Variants in CLPX observed in about 807,000 individuals in gnomAD.
CLPX encodes the protein ATP-dependent clpX-like chaperone, mitochondrial.
CLPX carries 34 observed loss-of-function variants against 76.4 expected under a neutral mutation model. The observed-to-expected ratio is 0.45, with a 90% confidence interval of 0.34 to 0.59. CLPX has a LOEUF of 0.59. Among genes scored for constraint, CLPX ranks in the 20% least tolerant of loss-of-function variants. The pLI is 0.01. For missense variants in CLPX, 613 were observed against 757.0 expected, an observed-to-expected ratio of 0.81 and a Z score of 2.23; for synonymous variants, 248 against 270.9, an observed-to-expected ratio of 0.92 and a Z score of 0.83.
At chr15:65,162,062 C>T (rs1467753051) in intron 6 of CLPX, among the ~76,000 whole-genome samples, 1 of 152,112 alleles carries the variant, frequency 6.6e-6, no homozygotes, top group Non-Finnish European at 1.5e-5. Context: ...CCCCTGGAAC[C>T]TCCACCCTCA....
Position 65,158,604 on chromosome 15 carries a change from T to C in CLPX, c.863A>G (p.Asn288Ser). ...SHDDIKLEKSNILLLGPTGSG... is the reference protein window; with the variant it reads ...SHDDIKLEKSSILLLGPTGSG... ...CCCAGTTGGTCCAAGCAGCAAAATA[T>C]TACTTTTTTCAAGTTTTATGTCATC... Residue 288 changes from asparagine (N) to serine (S), a missense_variant, in exon 7 of 14, where the codon AAT (asparagine) becomes AGT (serine). Transcript: ENST00000300107. 6.2e-7 allele frequency: 1 copy of C among 1,612,504 alleles called. No homozygotes were observed. The highest frequency in any genetic ancestry group is 8.5e-7 in the Non-Finnish European group (1 of 1,179,534).
intron 11 of CLPX, among the ~76,000 whole-genome samples, chr15:65,154,179 G>T (rs2087758691): frequency 6.6e-6 from 1 of 152,190 alleles, no homozygotes; most frequent in Admixed American, 6.5e-5. Context: ...CAGAAGTAAA[G>T]AGGAAGATAA....
chr15:65,160,623 T>TCACACACACA (rs375655324), intron 6 of CLPX, among the ~76,000 whole-genome samples: 73 of 101,022 alleles, frequency 7.2e-4, no homozygotes, highest in African/African-American at 2.5e-3. Flanking sequence ...TCTCTCTCTC[T>TCACACACACA]CACACACACA....
At chr15:65,176,940 G>GA (rs1011690554) in intron 3 of CLPX, among the ~76,000 whole-genome samples, 2 of 148,480 alleles carry the variant, frequency 1.3e-5, no homozygotes, top group Admixed American at 6.7e-5. Flanking sequence ...TTTCTTTGAA[G>GA]AAAAAAAAAG....
intron 1 of CLPX, 73 bp from the exon 2 acceptor site, chr15:65,180,277 A>AT: frequency 1.7e-6 from 2 of 1,159,228 alleles, no homozygotes; most frequent in Non-Finnish European, 2.4e-6. Context: ...AAATTCCTTG[A>AT]GCATAAAGGA....
chr15:65,165,695 G>A (rs1470876920), intron 4 of CLPX, among the ~76,000 whole-genome samples: 5 of 152,000 alleles, frequency 3.3e-5, no homozygotes, highest in African/African-American at 1.2e-4. Context: ...CGGCCAAACT[G>A]CCTGGAATTT....
intron 13 of CLPX, 74 bp downstream of exon 13, chr15:65,152,356 A>G (rs1043458891): frequency 1.7e-6 from 1 of 575,206 alleles, no homozygotes; most frequent in Non-Finnish European, 2.9e-6. Flanking sequence ...TTTTAAAATG[A>G]CAAACCAATA....
chr15:65,164,178 T>C lies in CLPX; in HGVS notation c.524A>G (p.Tyr175Cys). The stretch of plus-strand genomic sequence containing the variant: ...CTGGCCAACAACATACTTGTCGAGG[T>C]AGTTATAAATCTGAAAAATGATTAG... ...PPPPPKKIYN[Y>C]LDKYVVGQSF... is the part of the protein sequence containing the mutation. Residue 175 changes from tyrosine (Y) to cysteine (C), a missense_variant, in exon 5 of 14, where the codon TAC becomes TGC. By Grantham distance (194) the Tyr-to-Cys change is radical. Transcript: ENST00000300107. 1.9e-6 allele frequency: 3 copies of C among 1,608,214 alleles called. No homozygotes were observed. Among genetic ancestry groups the C allele is most frequent in the South Asian group, 1.1e-5 (1 of 89,874 alleles).
In CLPX at chr15:65,159,355, T is replaced by C. The variant is rs560285186; in HGVS notation, c.716-604A>G. ...GTTATCAGTTTATCAGCCAGATTCCTACAAAAATAAATCTTTAGGCTAGGC... is the reference window on the plus strand; with the variant it reads ...GTTATCAGTTTATCAGCCAGATTCCCACAAAAATAAATCTTTAGGCTAGGC... On this transcript the variant is annotated intron_variant, in intron 6 of 13. Coordinates refer to ENST00000300107, the MANE Select transcript of CLPX (RefSeq NM_006660.5). Among the ~76,000 whole-genome samples the C allele has an allele frequency of 2.4e-3, 360 of 152,310 alleles. 3 individuals are homozygous for C. The highest frequency in any genetic ancestry group is 8.4e-3 in the African/African-American group (350 of 41,578).
intron 6 of CLPX, among the ~76,000 whole-genome samples, chr15:65,159,011 C>T (rs575477056): frequency 2.6e-4 from 39 of 152,150 alleles, no homozygotes; most frequent in Non-Finnish European, 2.9e-4. Context: ...TAAGAATACT[C>T]CTTTACCCAA....
chr15:65,150,925 A>G lies in CLPX; in HGVS notation c.1812-12T>C, dbSNP rs778890666. 1.3e-6 allele frequency: 2 copies of G among 1,572,378 alleles called. No homozygotes were observed. Among genetic ancestry groups the G allele is most frequent in the Non-Finnish European group, 1.7e-6 (2 of 1,155,146 alleles). On this transcript the variant is annotated splice_polypyrimidine_tract_variant and intron_variant, in intron 13 of 13. Transcript: ENST00000300107. ...CTTTTGTTGGAGCCCTACAATGAAA[A>G]GCCATGTTTGTTTTTTTAAAATAAA... is the stretch of plus-strand genomic sequence containing the variant.
Position 65,167,186 on chromosome 15 carries a change from T to G in CLPX, c.359-401A>C, listed in dbSNP as rs577381361. Reference sequence around the variant, plus strand: ...CCTGGGTTCAAGCAATTCTCCTGCCTCAGTCTCCTGAGTAGCTGGGATTAC... The same window carrying G: ...CCTGGGTTCAAGCAATTCTCCTGCCGCAGTCTCCTGAGTAGCTGGGATTAC... On this transcript the variant is annotated intron_variant, in intron 3 of 13. Transcript: ENST00000300107. 1.5e-4 allele frequency among the ~76,000 whole-genome samples: 23 copies of G among 152,210 alleles called. 1 individual carries two copies. The South Asian group carries it at 4.6e-3, about 30-fold the overall frequency.
rs112969209 is a variant in CLPX, at chr15:65,185,032, C to G, written c.79+43G>C. On this transcript the variant is annotated intron_variant, in intron 1 of 13. Coordinates refer to ENST00000300107, the MANE Select transcript of CLPX (RefSeq NM_006660.5). The stretch of plus-strand genomic sequence containing the variant: ...CCCAACCATTGGCCAGTCCACCCCC[C>G]CCCCGACAGGCTGAGGGCTCAGGAG... 1.3e-4 allele frequency: 199 copies of G among 1,510,964 alleles called. 1 individual carries two copies. Among genetic ancestry groups the G allele is most frequent in the Non-Finnish European group, 1.5e-4 (168 of 1,111,086 alleles). The allele number at this position is 1,510,964 out of a possible 1,614,324, so 93.6% of individuals were successfully genotyped here.
chr15:65,152,083 C>T (rs1266282697), intron 13 of CLPX, among the ~76,000 whole-genome samples: 3 of 152,070 alleles, frequency 2.0e-5, no homozygotes, highest in African/African-American at 2.4e-5. Context: ...ACGCACACCA[C>T]CACGCCCAGC....
chr15:65,167,896 AT>A (rs1163907735), intron 3 of CLPX, among the ~76,000 whole-genome samples: 5 of 151,484 alleles, frequency 3.3e-5, no homozygotes, highest in Non-Finnish European at 5.9e-5. Context: ...TCAGAAAAAA[AT>A]ATATATATAA....
chr15:65,149,468 C>G lies in CLPX; in HGVS notation c.*1355G>C. On this transcript the variant is annotated 3_prime_UTR_variant, in exon 14 of 14. Coordinates refer to ENST00000300107, the MANE Select transcript of CLPX (RefSeq NM_006660.5). ...CCAGCCTGGGTGACACAGCGAGACT[C>G]TGTCTCAAAAAAATAAAATAAAATA... The G allele has an allele frequency of 2.9e-6, 1 of 343,646 alleles. No homozygotes were observed. The highest frequency in any genetic ancestry group is 2.3e-5 in the South Asian group (1 of 43,356). 21.3% of individuals were successfully genotyped at this position (343,646 alleles called of 1,614,324 possible).
rs766997879 is a variant in CLPX, at chr15:65,166,709, G to A, written c.435C>T (p.Ser145=). The A allele has an allele frequency of 6.2e-7, 1 of 1,614,018 alleles. No individual in the cohort carries two copies. The highest frequency in any genetic ancestry group is 8.5e-7 in the Non-Finnish European group (1 of 1,179,966). The change falls in exon 4 of 14, where the codon AGC becomes AGT. Residue 145 remains serine, a synonymous_variant. Coordinates refer to ENST00000300107, the MANE Select transcript of CLPX (RefSeq NM_006660.5). ...VVLSEADSKK[S]IIKEPESAAE... ...CTGCTGATTCAGGTTCTTTAATTATGCTTTTCTTTGAGTCTGCTTCAGATA... is the reference window on the plus strand; with the variant it reads ...CTGCTGATTCAGGTTCTTTAATTATACTTTTCTTTGAGTCTGCTTCAGATA...
At chr15:65,158,212 G>A (rs2087813769) in intron 7 of CLPX, 2 of 307,636 alleles carry the variant, frequency 6.5e-6, no homozygotes, top group Non-Finnish European at 1.2e-5. Context: ...TATAGAGATA[G>A]AGTCTTGCTC....
rs988524345 is a variant in CLPX, at chr15:65,185,179, C to T, written c.-26G>A. 3.9e-6 allele frequency: 6 copies of T among 1,547,726 alleles called. No homozygotes were observed. The highest frequency in any genetic ancestry group is 5.2e-6 in the Non-Finnish European group (6 of 1,143,408). On this transcript the variant is annotated 5_prime_UTR_variant, in exon 1 of 14. Transcript: ENST00000300107. ...CTCCGCGAGGCCTAGGCCGGGGCTT[C>T]GCCCCCTGAGGACCTCCGGGTCACA...
Sources: gnomAD v4.1 joint callset for allele counts (sites outside exome capture counted in the v4.1 genomes callset) on GRCh38, gnomAD v4.1.1 for gene constraint, MANE v1.5 for transcripts, NCBI Gene and HGNC (gene_info 2026-07-23, HGNC 2026-07-21) for gene names.